The following KIF21A variants were observed in gnomAD, a reference collection of about 807,000 sequenced individuals.
KIF21A encodes the protein kinesin-like protein KIF21A.
A neutral mutation model predicts 202.9 loss-of-function variants in KIF21A; 114 were observed. The ratio of observed to expected loss-of-function variants is 0.56; its 90% CI spans 0.48 to 0.66. The LOEUF (loss-of-function observed/expected upper bound fraction) is 0.66, where lower values mean the gene tolerates loss of function less well. Ranked by LOEUF, KIF21A falls within the 30% of genes least tolerant of loss-of-function variation. The pLI, the probability that KIF21A is intolerant of heterozygous loss-of-function variation, is 0.00. For missense variants in KIF21A, 1,677 were observed against 1,994.9 expected, an observed-to-expected ratio of 0.84 and a Z score of 3.04; for synonymous variants, 667 against 670.8, an observed-to-expected ratio of 0.99 and a Z score of 0.09.
At chr12:39,385,415 C>T (rs1372014086) in intron 1 of KIF21A, among the ~76,000 whole-genome samples, 1 of 152,150 alleles carries the variant, frequency 6.6e-6, no homozygotes, top group African/African-American at 2.4e-5. Flanking sequence ...CCCAACTACC[C>T]AAATTTCTCG....
intron 10 of KIF21A, among the ~76,000 whole-genome samples, chr12:39,354,016 G>C (rs1178052561): frequency 6.6e-6 from 1 of 152,052 alleles, no homozygotes; most frequent in Non-Finnish European, 1.5e-5. Context: ...TCATTCATTG[G>C]ATCTTGGACC....
In KIF21A at chr12:39,303,030, G is replaced by A; in HGVS notation, c.4666C>T (p.Leu1556=). 6.2e-7 allele frequency: 1 copy of A among 1,613,910 alleles called. No individual in the cohort carries two copies. Among genetic ancestry groups the A allele is most frequent in the Non-Finnish European group, 8.5e-7 (1 of 1,179,836 alleles). ...IEALTIQGDN[L]FSGSRDNGIK... Reference sequence around the variant, plus strand: ...CCATTATCTCTAGACCCACTAAATAGGTTATCCCCTTGAATGGTTAGTGCT... The same window carrying A: ...CCATTATCTCTAGACCCACTAAATAAGTTATCCCCTTGAATGGTTAGTGCT... The change falls in exon 36 of 38, where the codon CTA becomes TTA. Residue 1556 remains leucine (L), a synonymous_variant. Transcript: ENST00000361418.
chr12:39,333,008 C>T lies in KIF21A; in HGVS notation c.2587G>A (p.Gly863Ser). The T allele has an allele frequency of 6.2e-7, 1 of 1,614,136 alleles. No homozygotes were observed. The highest frequency in any genetic ancestry group is 8.5e-7 in the Non-Finnish European group (1 of 1,180,020). ...GTTTCGACAGCAGCTGCACTGGAACCTGTGTCCTGAGCAGGTGCATCAGAT... is the reference window on the plus strand; with the variant it reads ...GTTTCGACAGCAGCTGCACTGGAACTTGTGTCCTGAGCAGGTGCATCAGAT... ...SSSDAPAQDT[G>S]SSAAAVETDA... Residue 863 changes from glycine (G) to serine (S), a missense_variant, in exon 19 of 38, where the codon GGT becomes AGT. By Grantham distance (56) the Gly-to-Ser change is moderately conservative. Around this residue, in one of 3 missense-constraint regions of KIF21A, gnomAD observed 966 missense variants for 1,180.9 expected, o/e 0.82. Transcript: ENST00000361418.
intron 1 of KIF21A, among the ~76,000 whole-genome samples, chr12:39,409,740 G>A (rs930640244): frequency 8.6e-5 from 13 of 151,910 alleles, no homozygotes; most frequent in Admixed American, 7.2e-4. Context: ...AGAGATTTTC[G>A]TGCATTATCT....
intron 11 of KIF21A, among the ~76,000 whole-genome samples, chr12:39,349,058 C>T (rs537420345): frequency 5.5e-4 from 83 of 151,952 alleles, no homozygotes; most frequent in African/African-American, 1.8e-3. Context: ...GGCAGAATTA[C>T]GTGAGAACTG....
chr12:39,327,387 T>C (rs1261609725), intron 24 of KIF21A, among the ~76,000 whole-genome samples: 1 of 152,158 alleles, frequency 6.6e-6, no homozygotes, highest in Admixed American at 6.5e-5. Flanking sequence ...TTGAAGGCAA[T>C]ATGTATCTCA....
intron 1 of KIF21A, among the ~76,000 whole-genome samples, chr12:39,382,221 A>C (rs1330100056): frequency 6.6e-6 from 1 of 152,204 alleles, no homozygotes; most frequent in Non-Finnish European, 1.5e-5. Flanking sequence ...TCTGTCTTTC[A>C]TCATTCACTT....
intron 32 of KIF21A, among the ~76,000 whole-genome samples, 167 bp downstream of exon 32, chr12:39,311,250 C>T (rs1047179255): frequency 2.6e-5 from 4 of 151,978 alleles, no homozygotes; most frequent in African/African-American, 9.7e-5. Flanking sequence ...GTTTTACTTG[C>T]TGCTCAACTA....
chr12:39,368,962 AT>A (rs1949779799), intron 3 of KIF21A, among the ~76,000 whole-genome samples: 1 of 152,178 alleles, frequency 6.6e-6, no homozygotes, highest in African/African-American at 2.4e-5. Flanking sequence ...GACAGCCTAA[AT>A]TAATCCAAAT....
At chr12:39,420,013 T>TATAA (rs1954113196) in intron 1 of KIF21A, among the ~76,000 whole-genome samples, 3 of 143,206 alleles carry the variant, frequency 2.1e-5, no homozygotes, top group Admixed American at 7.4e-5. Flanking sequence ...AGACCAGATG[T>TATAA]ATAAATAAAC....
Position 39,301,486 on chromosome 12 carries a change from G to A in KIF21A, c.4925C>T (p.Ala1642Val). The change falls in exon 37 of 38, where the codon GCA (alanine) becomes GTA (valine). Residue 1642 changes from alanine to valine, a missense_variant. Ala to Val is a moderately conservative substitution (Grantham distance 64). Transcript: ENST00000361418. ...ICVNSTHIFT[A>V]ADDRTVRIWK... is the part of the protein sequence containing the mutation. Reference sequence around the variant, plus strand: ...ATCATATAAGAAAACTTACTCAGCTGCAGTAAAAATGTGGGTGGAATTAAC... The same window carrying A: ...ATCATATAAGAAAACTTACTCAGCTACAGTAAAAATGTGGGTGGAATTAAC... 1.2e-6 allele frequency: 2 copies of A among 1,612,738 alleles called. No individual in the cohort carries two copies. Among genetic ancestry groups the A allele is most frequent in the Non-Finnish European group, 1.7e-6 (2 of 1,178,722 alleles).
At chr12:39,371,115 G>A (rs943928160) in intron 1 of KIF21A, among the ~76,000 whole-genome samples, 1 of 152,046 alleles carries the variant, frequency 6.6e-6, no homozygotes, top group African/African-American at 2.4e-5. Context: ...AATAAGAAAA[G>A]GAAGTCTGTA....
intron 35 of KIF21A, among the ~76,000 whole-genome samples, chr12:39,303,402 G>A (rs553460654): frequency 7.2e-5 from 11 of 152,180 alleles, no homozygotes; most frequent in South Asian, 2.1e-4. Context: ...AGGCTCAAGC[G>A]ATCCTCTTAC....
At chr12:39,426,528 A>C (rs926141112) in intron 1 of KIF21A, among the ~76,000 whole-genome samples, 1 of 152,206 alleles carries the variant, frequency 6.6e-6, no homozygotes, top group Non-Finnish European at 1.5e-5. Context: ...TAAGGCAAAG[A>C]CCAGATGTCA....
At chr12:39,440,433 G>C (rs1409621144) in intron 1 of KIF21A, among the ~76,000 whole-genome samples, 2 of 152,140 alleles carry the variant, frequency 1.3e-5, no homozygotes, top group South Asian at 4.2e-4. Context: ...CATAATAACA[G>C]GACCTAAGTC....
chr12:39,347,557 C>A (rs1444075062), intron 11 of KIF21A, among the ~76,000 whole-genome samples: 1 of 151,942 alleles, frequency 6.6e-6, no homozygotes, highest in Non-Finnish European at 1.5e-5. Context: ...CAAGCCAGTT[C>A]TTTTCATTTT....
chr12:39,314,181 T>C (rs1592085891), intron 31 of KIF21A, among the ~76,000 whole-genome samples: 1 of 151,776 alleles, frequency 6.6e-6, no homozygotes, highest in Non-Finnish European at 1.5e-5. Context: ...ACAAAAGTGA[T>C]AGGAGTTTCT....
intron 1 of KIF21A, among the ~76,000 whole-genome samples, chr12:39,409,541 A>C (rs1037570742): frequency 6.7e-6 from 1 of 150,138 alleles, no homozygotes; most frequent in East Asian, 2.0e-4. Flanking sequence ...AAAAAAAAAA[A>C]GTAGTATTAA....
chr12:39,323,623 G>A (rs1395380376), intron 26 of KIF21A, among the ~76,000 whole-genome samples: 3 of 151,974 alleles, frequency 2.0e-5, no homozygotes, highest in East Asian at 1.9e-4. Flanking sequence ...GTGACTATCC[G>A]GTTATTGCTC....
Sources: gnomAD v4.1 joint callset for allele counts (sites outside exome capture counted in the v4.1 genomes callset) on GRCh38, gnomAD v4.1.1 for gene constraint, gnomAD v4.1.1 regional missense constraint, MANE v1.5 for transcripts, NCBI Gene and HGNC (gene_info 2026-07-23, HGNC 2026-07-21) for gene names.